ANGPTL2: variants seen among roughly 807,000 people sequenced by gnomAD.
ANGPTL2 encodes angiopoietin like 2.
A neutral mutation model predicts 52.8 loss-of-function variants in ANGPTL2; 25 were observed. The observed-to-expected ratio is 0.47, with a 90% CI of 0.35 to 0.66. The LOEUF (loss-of-function observed/expected upper bound fraction) is 0.66. Ranked by LOEUF, ANGPTL2 falls within the 30% of genes least tolerant of loss-of-function variation. The probability of loss-of-function intolerance (pLI) is 0.01; values close to 1 mark genes in which losing one functional copy is unlikely to be tolerated. For synonymous variants in ANGPTL2, 276 were observed against 277.4 expected (o/e 1.00, Z 0.05); for missense variants, 546 against 656.9 (o/e 0.83, Z 1.84).
chr9:127,095,977 C>T (rs1332112529), intron 2 of ANGPTL2, among the ~76,000 whole-genome samples: 2 of 152,196 alleles, frequency 1.3e-5, no homozygotes, highest in Non-Finnish European at 1.5e-5. Context: ...TGACACTTAA[C>T]TCAGGGGCTT....
chr9:127,108,070 G>A lies in ANGPTL2; in HGVS notation c.662C>T (p.Pro221Leu), dbSNP rs760953454. Residue 221 changes from proline to leucine, a missense_variant, in exon 2 of 5, where the codon CCG becomes CTG. Around this residue, in one of 2 missense-constraint regions of ANGPTL2, gnomAD observed 285 missense variants for 295.8 expected, o/e 0.96. Transcript: ENST00000373425. ...RPVPQPPPAA[P>L]PRVYQPPTYN... ...GGTGGGTGGTTGGTAGACCCGGGGC[G>A]GGGCAGCGGGGGGTGGCTGGGGGAC... The A allele has an allele frequency of 6.8e-6, 11 of 1,611,080 alleles. No individual in the cohort carries two copies. Among genetic ancestry groups the A allele is most frequent in the East Asian group, 6.7e-5 (3 of 44,776 alleles).
At chr9:127,110,614 A>G (rs74458268) in intron 1 of ANGPTL2, among the ~76,000 whole-genome samples, 2,330 of 152,016 alleles carry the variant, frequency 0.015, 62 homozygotes, top group African/African-American at 0.054. Flanking sequence ...AGGTATCTCA[A>G]CTCATCCAGA....
Position 127,091,841 on chromosome 9 carries a change from C to T in ANGPTL2, c.1111G>A (p.Asp371Asn), listed in dbSNP as rs780295687. ...GNYKLLVTMEDWSGRKVFAEY... is the reference protein window; with the variant it reads ...GNYKLLVTMENWSGRKVFAEY... Reference sequence around the variant, plus strand: ...GCAAAGACTTTGCGGCCGGACCAGTCCTCCATGGTCACCAGGAGTTTGTAG... The same window carrying T: ...GCAAAGACTTTGCGGCCGGACCAGTTCTCCATGGTCACCAGGAGTTTGTAG... Residue 371 changes from aspartate to asparagine, a missense_variant, in exon 4 of 5, where the codon GAC becomes AAC. Asp to Asn is a conservative substitution (Grantham distance 23). This residue lies in a region of ANGPTL2 where 261 missense variants were observed against 361.0 expected (regional missense o/e 0.72). Transcript: ENST00000373425. This position sits in a 1 kb window ranked among gnomAD's most constrained non-coding sequence, Gnocchi z 4.3. 1 of 1,614,068 alleles carries T rather than the reference C, an allele frequency of 6.2e-7. No individual in the cohort carries two copies.
Position 127,088,884 on chromosome 9 carries a change from G to A in ANGPTL2, c.*55C>T, listed in dbSNP as rs537547903. 11 of 1,601,488 alleles carry A rather than the reference G, an allele frequency of 6.9e-6. 1 individual carries two copies. Among genetic ancestry groups the A allele is most frequent in the African/African-American group, 6.7e-5 (5 of 74,794 alleles). On this transcript the variant is annotated 3_prime_UTR_variant, in exon 5 of 5. Transcript: ENST00000373425. ...AGTTGTTCTTTGTGCTGTGGCCAGC[G>A]TGACCAGGGTGGGCTCCTGGCAATG...
rs926286238 is a variant in ANGPTL2, at chr9:127,122,239, T to A, written c.-50+76A>T. On this transcript the variant is annotated intron_variant, in intron 1 of 4. Coordinates refer to ENST00000373425, the MANE Select transcript of ANGPTL2 (RefSeq NM_012098.3). This position sits in a 1 kb window ranked among gnomAD's most constrained non-coding sequence, Gnocchi z 6.4. ...CACACCCCCAGCTGGAGGGTCAGGG[T>A]TCTGGAAGCCCTAGCCACGGGGCCA... The A allele has an allele frequency of 4.6e-5, 7 of 152,226 alleles. No homozygotes were observed. The highest frequency in any genetic ancestry group is 7.3e-5 in the Non-Finnish European group (5 of 68,134). 9.4% of individuals were successfully genotyped at this position (152,226 alleles called of 1,614,324 possible).
chr9:127,118,712 G>A (rs1324355791), intron 1 of ANGPTL2, among the ~76,000 whole-genome samples: 1 of 152,190 alleles, frequency 6.6e-6, no homozygotes, highest in Non-Finnish European at 1.5e-5. Flanking sequence ...ATTATTTACT[G>A]TCTGCCCAGT....
At chr9:127,110,335 C>T (rs1319648836) in intron 1 of ANGPTL2, among the ~76,000 whole-genome samples, 1 of 152,192 alleles carries the variant, frequency 6.6e-6, no homozygotes, top group African/African-American at 2.4e-5. Context: ...CCTTCCTTTC[C>T]AGAGCGCCAC....
chr9:127,090,165 G>T (rs1046087208), intron 4 of ANGPTL2, among the ~76,000 whole-genome samples: 1 of 152,198 alleles, frequency 6.6e-6, no homozygotes, highest in African/African-American at 2.4e-5. Flanking sequence ...CCTTGGGCAC[G>T]CCATAACCAG....
chr9:127,116,103 T>C (rs2137451843), intron 1 of ANGPTL2, among the ~76,000 whole-genome samples: 1 of 152,324 alleles, frequency 6.6e-6, no homozygotes, highest in South Asian at 2.1e-4. Context: ...AGCCTTCCCA[T>C]GCAGCTAGCC....
intron 2 of ANGPTL2, among the ~76,000 whole-genome samples, chr9:127,096,991 G>A (rs530099615): frequency 2.8e-4 from 42 of 152,274 alleles, no homozygotes; most frequent in Non-Finnish European, 4.3e-4. Context: ...TGCACCCAGG[G>A]GGTGTGCAGA....
At position 127,087,624 on chromosome 9, in the gene ANGPTL2, TTGG is replaced by T. The variant is rs1371947403; in HGVS notation, c.*1312_*1314del. 1 of 152,390 alleles carries T rather than the reference TTGG, an allele frequency of 6.6e-6. No individual in the cohort carries two copies. Among genetic ancestry groups the T allele is most frequent in the Non-Finnish European group, 1.5e-5 (1 of 68,036 alleles). The allele number at this position is 152,390 out of a possible 1,614,324, so 9.4% of individuals were successfully genotyped here. On this transcript the variant is annotated 3_prime_UTR_variant, in exon 5 of 5. Coordinates refer to ENST00000373425, the MANE Select transcript of ANGPTL2 (RefSeq NM_012098.3). ...GTCCCGGGAGTGCTGAGGCTGACAC[TTGG>T]TGGCCAACAGGACTCAGAAAGCCAC...
intron 2 of ANGPTL2, among the ~76,000 whole-genome samples, chr9:127,100,405 C>T (rs1170801016): frequency 6.6e-6 from 1 of 152,218 alleles, no homozygotes; most frequent in Non-Finnish European, 1.5e-5. Context: ...TGCAGCACTA[C>T]TTTCCAGAGG....
chr9:127,120,870 C>G (rs1174841076), intron 1 of ANGPTL2, among the ~76,000 whole-genome samples: 1 of 152,110 alleles, frequency 6.6e-6, no homozygotes, highest in African/African-American at 2.4e-5. Context: ...CTTCCCTTCC[C>G]TCTGTGCCAG....
At position 127,093,951 on chromosome 9, in the gene ANGPTL2, A is replaced by G. The variant is rs752731163; in HGVS notation, c.818-25T>C. On this transcript the variant is annotated intron_variant, in intron 2 of 4. Coordinates refer to ENST00000373425, the MANE Select transcript of ANGPTL2 (RefSeq NM_012098.3). ...CCTGGGGACACAGACATGCATATACATCACAGACCTGCCTGTCACCAGGCC... is the reference window on the plus strand; with the variant it reads ...CCTGGGGACACAGACATGCATATACGTCACAGACCTGCCTGTCACCAGGCC... 7 of 1,603,694 alleles carry G rather than the reference A, an allele frequency of 4.4e-6. 1 individual carries two copies. In the South Asian group the frequency reaches 4.4e-5, roughly 10 times the overall value.
At chr9:127,104,231 TC>T (rs1193660361) in intron 2 of ANGPTL2, among the ~76,000 whole-genome samples, 7 of 152,208 alleles carry the variant, frequency 4.6e-5, no homozygotes, top group African/African-American at 1.7e-4. Context: ...AAGATTAGTT[TC>T]TGACAAAGCC....
intron 2 of ANGPTL2, among the ~76,000 whole-genome samples, chr9:127,102,103 A>C (rs978311555): frequency 1.3e-5 from 2 of 152,176 alleles, no homozygotes; most frequent in African/African-American, 2.4e-5. Context: ...TCCCATCAAG[A>C]GGTCTCTGCT....
Position 127,089,428 on chromosome 9 carries a change from G to A in ANGPTL2, c.1283-290C>T, listed in dbSNP as rs115830314. On this transcript the variant is annotated intron_variant, in intron 4 of 4. Transcript: ENST00000373425. ...AAAATGACGCCTGCCGCACAGGGCG[G>A]CTCTGAGGATTGAATGAGGATGCGT... 4.6e-3 allele frequency among the ~76,000 whole-genome samples: 705 copies of A among 152,332 alleles called. 6 individuals are homozygous for A. The highest frequency in any genetic ancestry group is 0.016 in the African/African-American group (675 of 41,574).
intron 1 of ANGPTL2, among the ~76,000 whole-genome samples, chr9:127,119,793 G>A (rs528985682): frequency 3.9e-5 from 6 of 152,274 alleles, no homozygotes; most frequent in African/African-American, 1.4e-4. Context: ...TGCCTCATTA[G>A]TAGTAAGTAG....
chr9:127,105,686 G>A (rs905671978), intron 2 of ANGPTL2, among the ~76,000 whole-genome samples: 5 of 152,088 alleles, frequency 3.3e-5, no homozygotes, highest in African/African-American at 7.2e-5. Context: ...TTTTGGCCTC[G>A]ACGGATACTC....
Sources: gnomAD v4.1 joint callset for allele counts (sites outside exome capture counted in the v4.1 genomes callset) on GRCh38, gnomAD v4.1.1 for gene constraint, gnomAD v4.1.1 regional missense constraint, Gnocchi (gnomAD v3.1) non-coding constraint, MANE v1.5 for transcripts, NCBI Gene and HGNC (gene_info 2026-07-23, HGNC 2026-07-21) for gene names.